The following TMEM232 variants were observed in gnomAD, a reference collection of about 807,000 sequenced individuals.
TMEM232 encodes transmembrane protein 232.
Under a neutral mutation model 78.8 loss-of-function variants are expected in TMEM232, and 80 were observed. That is an observed-to-expected ratio of 1.01 (90% confidence interval 0.85 to 1.22). The LOEUF (loss-of-function observed/expected upper bound fraction) is 1.22, where lower values mean the gene tolerates loss of function less well. Ranked by LOEUF, TMEM232 falls within the 50% of genes most tolerant of loss-of-function variation. The pLI, the probability that TMEM232 is intolerant of heterozygous loss-of-function variation, is 0.00. For missense variants in TMEM232, 881 were observed against 742.2 expected, an observed-to-expected ratio of 1.19 and a Z score of -2.17; for synonymous variants, 297 against 254.3, an observed-to-expected ratio of 1.17 and a Z score of -1.60.
chr5:110,424,569 G>T (rs1225990087), intron 13 of TMEM232, among the ~76,000 whole-genome samples: 2 of 152,104 alleles, frequency 1.3e-5, no homozygotes, highest in East Asian at 3.8e-4. Context: ...CTTGTCACAA[G>T]AAATCAGTAC....
downstream of TMEM232, among the ~76,000 whole-genome samples, chr5:110,416,704 A>T (rs2112591935): frequency 6.6e-6 from 1 of 152,348 alleles, no homozygotes; most frequent in African/African-American, 2.4e-5. Flanking sequence ...TACTGGTAGA[A>T]ACAAAAGAAT....
intron 4 of TMEM232, among the ~76,000 whole-genome samples, chr5:110,389,980 A>G (rs1228114094): frequency 2.0e-5 from 3 of 152,200 alleles, no homozygotes. Flanking sequence ...ATTCTGGTAC[A>G]TATGTGTGTC....
intron 12 of TMEM232, among the ~76,000 whole-genome samples, chr5:110,496,285 T>C (rs1486296392): frequency 6.6e-6 from 1 of 152,014 alleles, no homozygotes; most frequent in Non-Finnish European, 1.5e-5. Flanking sequence ...TTTTATTTCA[T>C]AAAAACAAGT....
chr5:110,526,400 A>C (rs1770607883), intron 12 of TMEM232, among the ~76,000 whole-genome samples: 1 of 151,946 alleles, frequency 6.6e-6, no homozygotes, highest in Non-Finnish European at 1.5e-5. Flanking sequence ...GGGCAAAAAA[A>C]ATAATTTCCA....
chr5:110,683,771 C>T (rs1793054226), intron 1 of TMEM232, among the ~76,000 whole-genome samples: 2 of 151,888 alleles, frequency 1.3e-5, no homozygotes, highest in Admixed American at 6.6e-5. Flanking sequence ...GAAATATTAC[C>T]TATTAACCTA....
At chr5:110,469,901 G>C (rs889394325) in intron 12 of TMEM232, among the ~76,000 whole-genome samples, 3 of 152,112 alleles carry the variant, frequency 2.0e-5, no homozygotes, top group Admixed American at 6.6e-5. Context: ...CCTGAAGTTG[G>C]AATAGTCCCC....
rs139793699 is a variant in TMEM232 at position 110,651,026 on chromosome 5, C to T, written c.126-8655G>A. Among the ~76,000 whole-genome samples, 1,018 of 152,184 alleles carry T rather than the reference C, an allele frequency of 6.7e-3. 16 individuals are homozygous for T. The highest frequency in any genetic ancestry group is 0.024 in the African/African-American group (989 of 41,536). On this transcript the variant is annotated intron_variant, in intron 2 of 13. Coordinates refer to ENST00000455884, the MANE Select transcript of TMEM232 (RefSeq NM_001039763.4). The stretch of plus-strand genomic sequence containing the variant: ...AATGGGAGGTGATAAAAAATCACTT[C>T]AAGATACAGCTTACCAGTCATTTTC...
At chr5:110,398,424 C>T (rs1376440996) in intron 2 of TMEM232, among the ~76,000 whole-genome samples, 3 of 152,242 alleles carry the variant, frequency 2.0e-5, no homozygotes, top group African/African-American at 7.2e-5. Flanking sequence ...CGTGCAGGTT[C>T]TGTAGATGCC....
At chr5:110,457,572 G>T (rs1580759475) in intron 12 of TMEM232, among the ~76,000 whole-genome samples, 1 of 151,716 alleles carries the variant, frequency 6.6e-6, no homozygotes. Flanking sequence ...GATATATATG[G>T]TCATCAAAAA....
intron 12 of TMEM232, among the ~76,000 whole-genome samples, chr5:110,471,839 A>T (rs1762719141): frequency 6.6e-6 from 1 of 152,144 alleles, no homozygotes; most frequent in Non-Finnish European, 1.5e-5. Context: ...ACAAACTTTA[A>T]GCCAGACTAA....
chr5:110,730,624 G>GAT (rs958401337), upstream of TMEM232, among the ~76,000 whole-genome samples: 4 of 152,100 alleles, frequency 2.6e-5, no homozygotes, highest in Admixed American at 2.6e-4. Flanking sequence ...GTGAAAGCAA[G>GAT]ATAAAAATGA....
At chr5:110,466,013 TAGC>T (rs1308747718) in intron 12 of TMEM232, among the ~76,000 whole-genome samples, 3 of 152,098 alleles carry the variant, frequency 2.0e-5, no homozygotes, top group African/African-American at 7.2e-5. Context: ...CAACTGAAAA[TAGC>T]AGATTAAAAA....
chr5:110,478,028 A>G (rs1359585038), intron 12 of TMEM232, among the ~76,000 whole-genome samples: 1 of 151,920 alleles, frequency 6.6e-6, no homozygotes, highest in Non-Finnish European at 1.5e-5. Flanking sequence ...AAAGGCATTC[A>G]TTACTACATT....
intron 2 of TMEM232, among the ~76,000 whole-genome samples, chr5:110,656,319 C>T (rs890312069): frequency 7.9e-5 from 12 of 152,278 alleles, no homozygotes; most frequent in East Asian, 1.9e-4. Context: ...TTTATCTCCA[C>T]GTGTGTTGAG....
At chr5:110,396,389 G>GA (rs1290674762) in intron 3 of TMEM232, among the ~76,000 whole-genome samples, 2 of 151,628 alleles carry the variant, frequency 1.3e-5, no homozygotes, top group Admixed American at 6.6e-5. Context: ...CACCTGGGAG[G>GA]AAAAAAAAGT....
downstream of TMEM232, among the ~76,000 whole-genome samples, chr5:110,418,975 T>C: frequency 6.6e-6 from 1 of 152,124 alleles, no homozygotes; most frequent in East Asian, 1.9e-4. Flanking sequence ...GTTCAGAGTT[T>C]GGTAAGGCTC....
intron 11 of TMEM232, 78 bp downstream of exon 11, chr5:110,568,369 C>T: frequency 1.5e-6 from 2 of 1,317,062 alleles, no homozygotes; most frequent in South Asian, 1.6e-5. Flanking sequence ...GTAGACATTC[C>T]TTTTACCATG....
At chr5:110,536,139 C>T (rs192863247) in intron 11 of TMEM232, among the ~76,000 whole-genome samples, 40 of 152,220 alleles carry the variant, frequency 2.6e-4, no homozygotes, top group East Asian at 1.4e-3. Context: ...TCCTTTCCAA[C>T]GTGGGACCCT....
intron 1 of TMEM232, among the ~76,000 whole-genome samples, chr5:110,736,081 C>A (rs1282325818): frequency 6.6e-6 from 1 of 152,202 alleles, no homozygotes; most frequent in Non-Finnish European, 1.5e-5. Flanking sequence ...ACAATAGAAA[C>A]TAATACAAAC....
Sources: gnomAD v4.1 joint callset for allele counts (sites outside exome capture counted in the v4.1 genomes callset) on GRCh38, gnomAD v4.1.1 for gene constraint, MANE v1.5 for transcripts, NCBI Gene and HGNC (gene_info 2026-07-23, HGNC 2026-07-21) for gene names.